CCDC85A: variants seen among roughly 807,000 people sequenced by gnomAD.
CCDC85A encodes coiled-coil domain-containing protein 85A.
A neutral mutation model predicts 50.2 loss-of-function variants in CCDC85A; 38 were observed. The ratio of observed to expected loss-of-function variants is 0.76; its 90% confidence interval spans 0.58 to 0.99. The LOEUF (loss-of-function observed/expected upper bound fraction) is 0.99. Ranked by LOEUF, CCDC85A falls within the 50% of genes least tolerant of loss-of-function variation. The probability of loss-of-function intolerance (pLI) is 0.00; values close to 1 mark genes in which losing one functional copy is unlikely to be tolerated. For synonymous variants in CCDC85A, 366 were observed against 301.4 expected, an observed-to-expected ratio of 1.21 and a Z score of -2.22; for missense variants, 820 against 742.0, an observed-to-expected ratio of 1.11 and a Z score of -1.22.
intron 2 of CCDC85A, among the ~76,000 whole-genome samples, chr2:56,242,325 G>T (rs533019297): frequency 6.6e-6 from 1 of 152,124 alleles, no homozygotes; most frequent in Non-Finnish European, 1.5e-5. Flanking sequence ...ATTGGCTCAT[G>T]GTTCTGCAGG....
intron 2 of CCDC85A, among the ~76,000 whole-genome samples, chr2:56,304,420 A>C (rs1193665455): frequency 1.3e-5 from 2 of 152,198 alleles, no homozygotes; most frequent in Non-Finnish European, 2.9e-5. Flanking sequence ...CAGTGGCATC[A>C]AAAATTTTCT....
chr2:56,231,311 T>A (rs990665059), intron 2 of CCDC85A, among the ~76,000 whole-genome samples: 5 of 152,176 alleles, frequency 3.3e-5, no homozygotes, highest in African/African-American at 1.2e-4. Context: ...CTGCGGCCTT[T>A]TATAGAAAGT....
At chr2:56,296,420 T>C (rs1210561407) in intron 2 of CCDC85A, among the ~76,000 whole-genome samples, 1 of 152,138 alleles carries the variant, frequency 6.6e-6, no homozygotes, top group African/African-American at 2.4e-5. Flanking sequence ...GCAAGTGAAA[T>C]GAGAAGAGGA....
intron 2 of CCDC85A, among the ~76,000 whole-genome samples, chr2:56,275,866 TTCA>T (rs2104081905): frequency 6.6e-6 from 1 of 152,318 alleles, no homozygotes; most frequent in South Asian, 2.1e-4. Flanking sequence ...GAGGCAAAAG[TTCA>T]TCACGAATCT....
At chr2:56,334,797 G>C (rs1254075502) in intron 2 of CCDC85A, among the ~76,000 whole-genome samples, 2 of 152,174 alleles carry the variant, frequency 1.3e-5, no homozygotes, top group African/African-American at 4.8e-5. Context: ...GGAAAGTACT[G>C]CTGGCTAGGG....
At chr2:56,311,457 GTTT>G (rs542924700) in intron 2 of CCDC85A, among the ~76,000 whole-genome samples, 1 of 144,270 alleles carries the variant, frequency 6.9e-6, no homozygotes, top group African/African-American at 2.5e-5. Context: ...GTTCATCGTT[GTTT>G]TTTTTTTTAA....
intron 2 of CCDC85A, among the ~76,000 whole-genome samples, chr2:56,276,520 C>T (rs866846581): frequency 3.9e-5 from 6 of 152,092 alleles, no homozygotes; most frequent in East Asian, 3.9e-4. Flanking sequence ...ATGAGTCTCA[C>T]GAGATCTGAT....
At chr2:56,321,255 A>G (rs1163139238) in intron 2 of CCDC85A, among the ~76,000 whole-genome samples, 5 of 151,884 alleles carry the variant, frequency 3.3e-5, no homozygotes, top group African/African-American at 4.8e-5. Flanking sequence ...CTCTCTCACC[A>G]CTCCTATTCA....
chr2:56,260,925 C>T (rs937602704), intron 2 of CCDC85A, among the ~76,000 whole-genome samples: 1 of 152,098 alleles, frequency 6.6e-6, no homozygotes, highest in Non-Finnish European at 1.5e-5. Flanking sequence ...ATAGAACTTG[C>T]CTTCACAAAA....
intron 2 of CCDC85A, among the ~76,000 whole-genome samples, chr2:56,222,324 A>G (rs955987433): frequency 1.3e-5 from 2 of 152,156 alleles, no homozygotes; most frequent in African/African-American, 4.8e-5. Flanking sequence ...CATTGTACAT[A>G]TTTAAGGTAT....
chr2:56,368,718 T>C (rs1558662374), intron 3 of CCDC85A, among the ~76,000 whole-genome samples: 2 of 152,088 alleles, frequency 1.3e-5, no homozygotes, highest in Admixed American at 6.6e-5. Context: ...ATCTGATTTA[T>C]ATCAAAGTGA....
rs70955011 is a variant in CCDC85A, at chr2:56,189,297, G to GT, written c.277-3165dup. ...AAAACATGCACGGGGTATTTTTGGT[G>GT]TTTTTTTTTTTTTTTGAGACAAGGT... On this transcript the variant is annotated intron_variant, in intron 1 of 5. Coordinates refer to ENST00000407595, the MANE Select transcript of CCDC85A (RefSeq NM_001080433.2). Among the ~76,000 whole-genome samples, 1,204 of 121,930 alleles carry GT rather than the reference G, an allele frequency of 9.9e-3. 52 individuals are homozygous for GT. Among genetic ancestry groups the GT allele is most frequent in the African/African-American group, 0.026 (761 of 29,224 alleles). 80.0% of individuals were successfully genotyped at this position (121,930 alleles called of 152,430 possible).
chr2:56,252,531 C>G (rs141661150), intron 2 of CCDC85A, among the ~76,000 whole-genome samples: 171 of 152,078 alleles, frequency 1.1e-3, no homozygotes, highest in Middle Eastern at 6.8e-3. Flanking sequence ...GATCAGGCTG[C>G]TCTGGGTATT....
At chr2:56,316,887 T>G (rs1202528815) in intron 2 of CCDC85A, among the ~76,000 whole-genome samples, 1 of 152,142 alleles carries the variant, frequency 6.6e-6, no homozygotes, top group Non-Finnish European at 1.5e-5. Flanking sequence ...GTATTAACAA[T>G]AGTTGCCACA....
At chr2:56,364,309 G>A (rs1035500277) in intron 3 of CCDC85A, among the ~76,000 whole-genome samples, 1 of 144,698 alleles carries the variant, frequency 6.9e-6, no homozygotes, top group East Asian at 2.2e-4. Context: ...CTAACCTTCT[G>A]TAATTATTAC....
intron 2 of CCDC85A, among the ~76,000 whole-genome samples, chr2:56,254,529 C>A (rs776293011): frequency 4.6e-5 from 7 of 152,300 alleles, no homozygotes; most frequent in Non-Finnish European, 8.8e-5. Flanking sequence ...AAATGAGCAA[C>A]ACTGTCTCAG....
intron 2 of CCDC85A, among the ~76,000 whole-genome samples, chr2:56,279,148 T>C (rs1202085299): frequency 1.3e-5 from 2 of 152,302 alleles, no homozygotes; most frequent in South Asian, 2.1e-4. Context: ...AACTAGAAAG[T>C]TGACCTTCCA....
chr2:56,232,986 C>G (rs1054901656), intron 2 of CCDC85A, among the ~76,000 whole-genome samples: 3 of 152,156 alleles, frequency 2.0e-5, no homozygotes, highest in Non-Finnish European at 4.4e-5. Context: ...CTGCAGTGCT[C>G]CAGCCCACAT....
intron 2 of CCDC85A, among the ~76,000 whole-genome samples, chr2:56,213,522 A>C (rs1054751542): frequency 3.3e-5 from 5 of 151,992 alleles, no homozygotes; most frequent in African/African-American, 1.2e-4. Context: ...CCTATGTTTC[A>C]AACAAAAACA....
Sources: gnomAD v4.1 joint callset for allele counts (sites outside exome capture counted in the v4.1 genomes callset) on GRCh38, gnomAD v4.1.1 for gene constraint, MANE v1.5 for transcripts, NCBI Gene and HGNC (gene_info 2026-07-23, HGNC 2026-07-21) for gene names.